The following R3HCC1L variants were observed in gnomAD, a reference collection of about 807,000 sequenced individuals.
R3HCC1L encodes the protein coiled-coil domain-containing protein R3HCC1L.
R3HCC1L carries 51 observed loss-of-function variants against 59.9 expected under a neutral mutation model. The observed-to-expected ratio is 0.85, with a 90% CI of 0.68 to 1.07. The LOEUF is 1.07. Ranked by LOEUF, R3HCC1L falls within the 50% of genes least tolerant of loss-of-function variation. R3HCC1L has a pLI of 0.00. For missense variants in R3HCC1L, 965 were observed against 933.0 expected, an observed-to-expected ratio of 1.03 and a Z score of -0.45; for synonymous variants, 322 against 315.2, an observed-to-expected ratio of 1.02 and a Z score of -0.23.
Position 98,209,853 on chromosome 10 carries a change from T to C in R3HCC1L, c.1739T>C (p.Met580Thr). ...GCCATTGAGGAGAGCTGGGAGTCTA[T>C]GTTTAACGATGATGGTGACTGCCTG... ...ITAIEESWES[M>T]FNDDGDCLDP... Residue 580 changes from methionine (M) to threonine (T), a missense_variant, in exon 5 of 10, where the codon ATG becomes ACG. Coordinates refer to ENST00000298999, the MANE Select transcript of R3HCC1L (RefSeq NM_001351015.2). 2 of 1,613,666 alleles carry C rather than the reference T, an allele frequency of 1.2e-6. No individual in the cohort carries two copies. The highest frequency in any genetic ancestry group is 1.7e-6 in the Non-Finnish European group (2 of 1,179,680).
rs774506233 is a variant in R3HCC1L at position 98,209,598 on chromosome 10, A to C, written c.1484A>C (p.Asn495Thr). Residue 495 changes from asparagine (N) to threonine (T), a missense_variant, in exon 5 of 10, where the codon AAT becomes ACT. Transcript: ENST00000298999. ...TTGGACTCTGAACTCAGTATGTTAAATGGGACAAAAGTTCTTTCAGACAGT... is the reference window on the plus strand; with the variant it reads ...TTGGACTCTGAACTCAGTATGTTAACTGGGACAAAAGTTCTTTCAGACAGT... ...TFLDSELSML[N>T]GTKVLSDSAV... 5.3e-5 allele frequency: 86 copies of C among 1,613,918 alleles called. No homozygotes were observed. In the Admixed American group the frequency reaches 1.4e-3, roughly 27 times the overall value.
chr10:98,149,628 A>G (rs1320496975), intron 1 of R3HCC1L, among the ~76,000 whole-genome samples: 2 of 152,198 alleles, frequency 1.3e-5, no homozygotes. Context: ...ATTTCCATGC[A>G]TCTGTGTGTT....
Position 98,208,958 on chromosome 10 carries a change from G to C in R3HCC1L, c.844G>C (p.Val282Leu). The C allele has an allele frequency of 6.2e-7, 1 of 1,614,002 alleles. No individual in the cohort carries two copies. Among genetic ancestry groups the C allele is most frequent in the Non-Finnish European group, 8.5e-7 (1 of 1,179,942 alleles). Reference protein sequence around the residue: ...SPDGVFDQTCVDFEVESVGGI... With the variant: ...SPDGVFDQTCLDFEVESVGGI... ...AGATGGTGTCTTTGATCAAACTTGC[G>C]TAGATTTTGAAGTTGAGAGTGTAGG... Residue 282 changes from valine (V) to leucine (L), a missense_variant, in exon 5 of 10, where the codon GTA (valine) becomes CTA (leucine). By Grantham distance (32) the Val-to-Leu change is conservative. Transcript: ENST00000298999.
At chr10:98,139,615 A>G (rs569771042) in intron 1 of R3HCC1L, among the ~76,000 whole-genome samples, 74 of 152,324 alleles carry the variant, frequency 4.9e-4, no homozygotes, top group Non-Finnish European at 9.6e-4. Flanking sequence ...AGCTTATTGA[A>G]TTACAGAGAA....
intron 5 of R3HCC1L, among the ~76,000 whole-genome samples, chr10:98,222,589 AG>A (rs1273189418): frequency 6.6e-5 from 10 of 152,084 alleles, no homozygotes; most frequent in African/African-American, 9.7e-5. Flanking sequence ...TTTAGCATGA[AG>A]GGTTGTTGAA....
chr10:98,145,333 T>A (rs7912705), intron 1 of R3HCC1L, among the ~76,000 whole-genome samples: 1 of 152,048 alleles, frequency 6.6e-6, no homozygotes, highest in Non-Finnish European at 1.5e-5. Context: ...GAGTAAGATA[T>A]GGGGTTAGAA....
At chr10:98,218,854 CT>C (rs1854531711) in intron 5 of R3HCC1L, among the ~76,000 whole-genome samples, 1 of 152,156 alleles carries the variant, frequency 6.6e-6, no homozygotes, top group South Asian at 2.1e-4. Context: ...TCTGGGTGCT[CT>C]TTTGTTGAGT....
At chr10:98,234,403 T>C in intron 6 of R3HCC1L, 43 bp from the exon 7 acceptor site, 2 of 1,555,374 alleles carry the variant, frequency 1.3e-6, no homozygotes, top group Non-Finnish European at 1.8e-6. Context: ...TTCATAAAAG[T>C]AAATTTTATT....
At chr10:98,161,989 G>A (rs1847460027) in intron 2 of R3HCC1L, among the ~76,000 whole-genome samples, 1 of 152,106 alleles carries the variant, frequency 6.6e-6, no homozygotes, top group East Asian at 1.9e-4. Flanking sequence ...GTTGTTTTGT[G>A]CTGAGATTTC....
intron 5 of R3HCC1L, among the ~76,000 whole-genome samples, chr10:98,226,322 A>G (rs1435424817): frequency 6.6e-6 from 1 of 152,212 alleles, no homozygotes; most frequent in African/African-American, 2.4e-5. Flanking sequence ...CAATAACCTC[A>G]AAAAGAATAA....
chr10:98,234,475 A>G lies in R3HCC1L; in HGVS notation c.1991A>G (p.Asp664Gly). The G allele has an allele frequency of 6.2e-7, 1 of 1,613,496 alleles. No homozygotes were observed. Among genetic ancestry groups the G allele is most frequent in the Non-Finnish European group, 8.5e-7 (1 of 1,179,716 alleles). Residue 664 changes from aspartate to glycine, a missense_variant, in exon 7 of 10, where the codon GAT becomes GGT. Transcript: ENST00000298999. ...AAAGGATTTGATATTAAATGGGTGG[A>G]TGATACACATGCCCTAGGAGTATTC... Reference protein sequence around the residue: ...QKKGFDIKWVDDTHALGVFSS... With the variant: ...QKKGFDIKWVGDTHALGVFSS...
At chr10:98,189,941 A>G (rs1282817601) in intron 4 of R3HCC1L, among the ~76,000 whole-genome samples, 2 of 152,222 alleles carry the variant, frequency 1.3e-5, no homozygotes, top group Non-Finnish European at 1.5e-5. Flanking sequence ...TTGCAAATGC[A>G]GTTGACCCTT....
chr10:98,235,915 G>A, intron 8 of R3HCC1L, 109 bp from the exon 9 acceptor site: 1 of 1,248,810 alleles, frequency 8.0e-7, no homozygotes, highest in Non-Finnish European at 1.1e-6. Context: ...TACTGCTGAT[G>A]CAGCCCTTGT....
chr10:98,235,540 G>T lies in R3HCC1L; in HGVS notation c.2128+20G>T, dbSNP rs1391213925. On this transcript the variant is annotated intron_variant, in intron 8 of 9. Transcript: ENST00000298999. Reference sequence around the variant, plus strand: ...ATGCTGGTGAGTCTATAATCTCTGGGTTTTTTTCTTGCTGATGGTGGTATT... The same window carrying T: ...ATGCTGGTGAGTCTATAATCTCTGGTTTTTTTTCTTGCTGATGGTGGTATT... 3.2e-6 allele frequency: 5 copies of T among 1,573,320 alleles called. No homozygotes were observed. Among genetic ancestry groups the T allele is most frequent in the East Asian group, 2.3e-5 (1 of 44,302 alleles).
chr10:98,219,459 G>A (rs1276327030), intron 5 of R3HCC1L, among the ~76,000 whole-genome samples: 3 of 152,140 alleles, frequency 2.0e-5, no homozygotes, highest in African/African-American at 7.2e-5. Context: ...TTATTGATAG[G>A]TAAGGACTTA....
At chr10:98,181,731 C>G (rs556767231) in intron 4 of R3HCC1L, among the ~76,000 whole-genome samples, 2 of 152,178 alleles carry the variant, frequency 1.3e-5, no homozygotes, top group African/African-American at 4.8e-5. Context: ...ACTCGTTTTT[C>G]TCTAAACTTC....
chr10:98,238,753 C>A (rs1857225651), intron 9 of R3HCC1L, among the ~76,000 whole-genome samples: 2 of 152,094 alleles, frequency 1.3e-5, no homozygotes, highest in African/African-American at 4.8e-5. Flanking sequence ...GAAAAAAAAA[C>A]TTACATAAAA....
chr10:98,145,698 TC>T (rs1845583752), intron 1 of R3HCC1L, among the ~76,000 whole-genome samples: 1 of 152,226 alleles, frequency 6.6e-6, no homozygotes, highest in African/African-American at 2.4e-5. Flanking sequence ...ACGCCTGTAA[TC>T]CCAGCACTTT....
chr10:98,232,607 T>C (rs926443469), intron 6 of R3HCC1L, among the ~76,000 whole-genome samples: 1 of 152,184 alleles, frequency 6.6e-6, no homozygotes, highest in African/African-American at 2.4e-5. Context: ...TCAAGAAGAA[T>C]TATACTTTAA....
Sources: gnomAD v4.1 joint callset for allele counts (sites outside exome capture counted in the v4.1 genomes callset) on GRCh38, gnomAD v4.1.1 for gene constraint, MANE v1.5 for transcripts, NCBI Gene and HGNC (gene_info 2026-07-23, HGNC 2026-07-21) for gene names.